EYA4: variants seen among roughly 807,000 people sequenced by gnomAD.
The protein encoded by EYA4 is protein phosphatase EYA4.
Under a neutral mutation model 87.9 loss-of-function variants are expected in EYA4, and 31 were observed. The ratio of observed to expected loss-of-function variants is 0.35; its 90% CI spans 0.27 to 0.48. EYA4 has a LOEUF of 0.48. EYA4 is among the 20% of genes least tolerant of loss of function. The pLI, the probability that EYA4 is intolerant of heterozygous loss-of-function variation, is 0.99. For missense variants in EYA4, 678 were observed against 761.4 expected (o/e 0.89, Z 1.29); for synonymous variants, 263 against 270.6 (o/e 0.97, Z 0.28).
intron 3 of EYA4, among the ~76,000 whole-genome samples, chr6:133,396,929 C>G (rs1787856038): frequency 6.6e-6 from 1 of 152,202 alleles, no homozygotes; most frequent in African/African-American, 2.4e-5. Context: ...TTCACACTCT[C>G]CTGGCTACCC....
In EYA4 at chr6:133,468,568, T is replaced by C. The variant is rs1795046144; in HGVS notation, c.807T>C (p.Asp269=). ...NSTNFSGSQQ[D]YPSYTAFGQN... ...ACACATCTCAATTATTGTTTCAGGATTATCCATCCTATACAGCCTTTGGCC... is the reference window on the plus strand; with the variant it reads ...ACACATCTCAATTATTGTTTCAGGACTATCCATCCTATACAGCCTTTGGCC... The change falls in exon 11 of 20, where the codon GAT becomes GAC. Residue 269 remains aspartate, a splice_region_variant and synonymous_variant. Coordinates refer to ENST00000355286, the MANE Select transcript of EYA4 (RefSeq NM_004100.5). 1 of 1,607,932 alleles carries C rather than the reference T, an allele frequency of 6.2e-7. No individual in the cohort carries two copies. Among genetic ancestry groups the C allele is most frequent in the Non-Finnish European group, 8.5e-7 (1 of 1,174,924 alleles).
intron 2 of EYA4, among the ~76,000 whole-genome samples, chr6:133,328,142 T>C (rs1178491191): frequency 2.6e-5 from 4 of 152,176 alleles, no homozygotes; most frequent in Non-Finnish European, 4.4e-5. Context: ...GGAAGATTAT[T>C]TAACCTTTCT....
In EYA4 at chr6:133,402,812, C is replaced by G. The variant is rs1056820335; in HGVS notation, c.83+20371C>G. Among the ~76,000 whole-genome samples the G allele has an allele frequency of 2.6e-5, 4 of 152,216 alleles. No individual in the cohort carries two copies. The East Asian group carries it at 7.7e-4, about 29-fold the overall frequency. ...TCTATTTGCAAATGTAGTAAATTCC[C>G]ATGTTTATAGAGAAACAAGAGGGAG... On this transcript the variant is annotated intron_variant, in intron 3 of 19. Coordinates refer to ENST00000355286, the MANE Select transcript of EYA4 (RefSeq NM_004100.5).
intron 7 of EYA4, chr6:133,462,096 T>G (rs1794442603): frequency 1.9e-6 from 1 of 530,800 alleles, no homozygotes; most frequent in Admixed American, 3.1e-5. Flanking sequence ...AAATTTCTAC[T>G]TTTACAGGTG....
intron 13 of EYA4, among the ~76,000 whole-genome samples, chr6:133,493,676 A>C (rs1797384305): frequency 6.6e-6 from 1 of 152,212 alleles, no homozygotes; most frequent in Admixed American, 6.5e-5. Flanking sequence ...ATAGGAGAAA[A>C]TATTTGTAAA....
chr6:133,245,486 G>T (rs1774333148), intron 1 of EYA4, among the ~76,000 whole-genome samples: 1 of 152,096 alleles, frequency 6.6e-6, no homozygotes, highest in Non-Finnish European at 1.5e-5. Flanking sequence ...ATTATATTCA[G>T]AAATACAGTT....
intron 3 of EYA4, among the ~76,000 whole-genome samples, chr6:133,399,556 A>G (rs1240538179): frequency 6.6e-6 from 1 of 152,218 alleles, no homozygotes; most frequent in Non-Finnish European, 1.5e-5. Flanking sequence ...CTCTCTAATG[A>G]TTCACAGAAG....
At chr6:133,455,392 T>C (rs1465254095) in intron 5 of EYA4, among the ~76,000 whole-genome samples, 1 of 152,174 alleles carries the variant, frequency 6.6e-6, no homozygotes, top group Non-Finnish European at 1.5e-5. Flanking sequence ...ATTTCTCCTC[T>C]GAATCTTCCA....
chr6:133,317,112 C>A (rs1410854200), intron 2 of EYA4, among the ~76,000 whole-genome samples: 1 of 152,194 alleles, frequency 6.6e-6, no homozygotes, highest in Admixed American at 6.5e-5. Context: ...CACCTTCAAA[C>A]AGCTGCTCAA....
chr6:133,309,890 G>A (rs1205930381), intron 2 of EYA4, among the ~76,000 whole-genome samples: 1 of 152,250 alleles, frequency 6.6e-6, no homozygotes, highest in East Asian at 1.9e-4. Context: ...AAGGTAGTGG[G>A]GAAAAGTTTC....
chr6:133,508,421 G>T (rs1798838847), intron 14 of EYA4, among the ~76,000 whole-genome samples: 1 of 151,900 alleles, frequency 6.6e-6, no homozygotes, highest in South Asian at 2.1e-4. Context: ...GATAACTTTT[G>T]GGGTTAGTTT....
intron 2 of EYA4, among the ~76,000 whole-genome samples, chr6:133,322,163 G>A (rs1048121382): frequency 2.6e-5 from 4 of 152,140 alleles, no homozygotes; most frequent in Non-Finnish European, 4.4e-5. Flanking sequence ...ATTTAAAAGG[G>A]TAAGCATTGA....
chr6:133,529,369 T>G lies in EYA4; in HGVS notation c.*564T>G. 1 of 995,570 alleles carries G rather than the reference T, an allele frequency of 1.0e-6. No individual in the cohort carries two copies. The highest frequency in any genetic ancestry group is 1.2e-6 in the Non-Finnish European group (1 of 834,908). 61.7% of individuals were successfully genotyped at this position (995,570 alleles called of 1,614,324 possible). On this transcript the variant is annotated 3_prime_UTR_variant, in exon 20 of 20. Coordinates refer to ENST00000355286, the MANE Select transcript of EYA4 (RefSeq NM_004100.5). ...GTGGATGCAATTTTTCTTTCTTTTG[T>G]TGGGGAGGGGAATGGGAGGGGAAAT... is the stretch of plus-strand genomic sequence containing the variant.
At chr6:133,397,485 G>A (rs980048991) in intron 3 of EYA4, among the ~76,000 whole-genome samples, 2 of 152,144 alleles carry the variant, frequency 1.3e-5, no homozygotes, top group African/African-American at 4.8e-5. Context: ...TCATGGAAAG[G>A]TTATTTTTTT....
chr6:133,329,451 G>T (rs1459768947), intron 2 of EYA4, among the ~76,000 whole-genome samples: 3 of 152,036 alleles, frequency 2.0e-5, no homozygotes, highest in Admixed American at 2.0e-4. Flanking sequence ...GACAATTTTT[G>T]TTGCATAGTT....
At chr6:133,327,395 G>A (rs1403470028) in intron 2 of EYA4, among the ~76,000 whole-genome samples, 1 of 152,062 alleles carries the variant, frequency 6.6e-6, no homozygotes, top group Non-Finnish European at 1.5e-5. Context: ...ACATCCCAAA[G>A]TGCTGGGATT....
rs1449780669 is a variant in EYA4, at chr6:133,529,542, AC to A, written c.*739del. ...ATAATGAAAAAAAACAAAAAAAAAA[AC>A]CTTTGTGATGATTCTTAACATGACC... On this transcript the variant is annotated 3_prime_UTR_variant, in exon 20 of 20. Transcript: ENST00000355286. 1.9e-5 allele frequency: 19 copies of A among 982,768 alleles called. No homozygotes were observed. The Admixed American group carries it at 1.2e-3, about 61-fold the overall frequency. The allele number at this position is 982,768 out of a possible 1,614,324, so 60.9% of individuals were successfully genotyped here. A position where few individuals can be genotyped will look rare whatever the true frequency, so the allele number is the denominator to read the frequency against.
chr6:133,382,917 G>A (rs1786356838), intron 3 of EYA4, among the ~76,000 whole-genome samples: 1 of 152,138 alleles, frequency 6.6e-6, no homozygotes, highest in Admixed American at 6.5e-5. Context: ...GTTGTTTGGA[G>A]CCTGTGGAAA....
chr6:133,256,207 A>T (rs7762680), intron 1 of EYA4, among the ~76,000 whole-genome samples: 6,857 of 151,040 alleles, frequency 0.045, 564 homozygotes, highest in African/African-American at 0.16. Context: ...TAATATATAC[A>T]TATAATTTAT....
Sources: allele counts gnomAD v4.1 joint callset (sites outside exome capture counted in the v4.1 genomes callset), GRCh38; gene constraint gnomAD v4.1.1; transcripts MANE v1.5; gene names NCBI Gene and HGNC (gene_info 2026-07-23, HGNC 2026-07-21).